The following MGAT4C variants were observed in gnomAD, a reference collection of about 807,000 sequenced individuals.
The protein encoded by MGAT4C is MGAT4 family member C, also known as alpha-1,3-mannosyl-glycoprotein 4-beta-N-acetylglucosaminyltransferase C.
In MGAT4C, 19 loss-of-function variants were observed where a neutral mutation model predicts 40.1. That is an observed-to-expected ratio of 0.47 (90% CI 0.33 to 0.70). The LOEUF (loss-of-function observed/expected upper bound fraction) is 0.70. Ranked by LOEUF, MGAT4C falls within the 30% of genes least tolerant of loss-of-function variation. The pLI is 0.02. For synonymous variants in MGAT4C, 181 were observed against 187.1 expected, an observed-to-expected ratio of 0.97 and a Z score of 0.27; for missense variants, 491 against 563.2, an observed-to-expected ratio of 0.87 and a Z score of 1.30.
intron 1 of MGAT4C, among the ~76,000 whole-genome samples, chr12:86,077,759 G>A (rs559993328): frequency 3.9e-5 from 6 of 152,182 alleles, no homozygotes; most frequent in African/African-American, 9.6e-5. Context: ...CACAGGGCAC[G>A]GTAATAATAT....
chr12:86,401,579 T>C (rs527783184), intron 3 of MGAT4C, among the ~76,000 whole-genome samples: 3 of 152,272 alleles, frequency 2.0e-5, no homozygotes, highest in South Asian at 2.1e-4. Context: ...AACCAGCTTA[T>C]GTTTATTCAC....
chr12:86,611,317 C>T (rs527698855), intron 2 of MGAT4C, among the ~76,000 whole-genome samples: 10 of 151,836 alleles, frequency 6.6e-5, no homozygotes, highest in Non-Finnish European at 8.8e-5. Context: ...TACGCAAAGA[C>T]GTGCAGACAC....
At chr12:86,456,138 G>A (rs894576429) in intron 2 of MGAT4C, among the ~76,000 whole-genome samples, 5 of 151,932 alleles carry the variant, frequency 3.3e-5, no homozygotes, top group African/African-American at 1.2e-4. Flanking sequence ...AATTTATTGA[G>A]GATATATTTC....
chr12:86,661,741 C>T (rs990514041), intron 2 of MGAT4C, among the ~76,000 whole-genome samples: 2 of 151,856 alleles, frequency 1.3e-5, no homozygotes, highest in Non-Finnish European at 2.9e-5. Context: ...AGGTCAGGTT[C>T]GAGACCAGCC....
intron 2 of MGAT4C, among the ~76,000 whole-genome samples, chr12:86,450,602 T>C (rs1262936453): frequency 6.6e-6 from 1 of 152,074 alleles, no homozygotes; most frequent in Non-Finnish European, 1.5e-5. Context: ...CGACTATATC[T>C]TGTTATTTTC....
intron 2 of MGAT4C, among the ~76,000 whole-genome samples, chr12:86,626,896 G>A (rs1049424386): frequency 2.0e-5 from 3 of 152,226 alleles, no homozygotes; most frequent in Non-Finnish European, 4.4e-5. Context: ...CACAGAGGGT[G>A]AGCCAAAGCA....
chr12:86,003,045 C>T (rs1887511709), intron 2 of MGAT4C, among the ~76,000 whole-genome samples: 1 of 152,116 alleles, frequency 6.6e-6, no homozygotes, highest in African/African-American at 2.4e-5. Flanking sequence ...AAGCAATCCT[C>T]CTACCTTTGT....
intron 1 of MGAT4C, among the ~76,000 whole-genome samples, chr12:86,117,190 G>C (rs563039437): frequency 6.6e-6 from 1 of 152,036 alleles, no homozygotes; most frequent in Non-Finnish European, 1.5e-5. Context: ...AATAAGCCAG[G>C]GCATAAGTTA....
At chr12:86,626,717 G>A (rs1429839008) in intron 2 of MGAT4C, among the ~76,000 whole-genome samples, 2 of 152,184 alleles carry the variant, frequency 1.3e-5, no homozygotes. Flanking sequence ...AATGGTAATA[G>A]AATTATTCCC....
intron 1 of MGAT4C, among the ~76,000 whole-genome samples, chr12:86,249,693 A>G (rs1303429354): frequency 6.6e-6 from 1 of 152,118 alleles, no homozygotes; most frequent in Non-Finnish European, 1.5e-5. Flanking sequence ...GCCTTTGCTT[A>G]TGATAAGCAA....
intron 2 of MGAT4C, among the ~76,000 whole-genome samples, chr12:85,993,400 A>G (rs745512334): frequency 2.9e-4 from 44 of 152,302 alleles, no homozygotes; most frequent in Non-Finnish European, 5.4e-4. Context: ...TGATAAAATG[A>G]GAGAAGGGAG....
intron 2 of MGAT4C, among the ~76,000 whole-genome samples, chr12:86,462,383 C>T (rs893952110): frequency 1.4e-4 from 21 of 152,152 alleles, no homozygotes; most frequent in Non-Finnish European, 2.8e-4. Context: ...GACACAGTTC[C>T]TGCCTTCAAG....
intron 1 of MGAT4C, among the ~76,000 whole-genome samples, chr12:86,084,811 T>C (rs890410610): frequency 2.6e-5 from 4 of 151,874 alleles, no homozygotes; most frequent in Admixed American, 6.6e-5. Context: ...ATGAGACTAT[T>C]TGGGGTGGCT....
At chr12:86,526,854 T>C (rs536044322) in intron 2 of MGAT4C, among the ~76,000 whole-genome samples, 53 of 152,124 alleles carry the variant, frequency 3.5e-4, no homozygotes, top group Non-Finnish European at 6.3e-4. Context: ...CGAGTGTCCA[T>C]GGTGGTGCAG....
At chr12:85,983,707 T>G in intron 3 of MGAT4C, 37 bp from the exon 4 acceptor site, 1 of 1,457,702 alleles carries the variant, frequency 6.9e-7, no homozygotes, top group Non-Finnish European at 9.2e-7. Context: ...AATATATAAA[T>G]AATAGATGGT....
intron 2 of MGAT4C, among the ~76,000 whole-genome samples, chr12:86,637,813 A>T (rs1963265487): frequency 6.6e-6 from 1 of 151,956 alleles, no homozygotes; most frequent in Admixed American, 6.6e-5. Flanking sequence ...TACCCACGTT[A>T]TCTACATACA....
chr12:86,291,192 A>G (rs1297549126), intron 4 of MGAT4C, among the ~76,000 whole-genome samples: 1 of 152,214 alleles, frequency 6.6e-6, no homozygotes, highest in Non-Finnish European at 1.5e-5. Flanking sequence ...AGCTACTTGT[A>G]CCTGAAACTG....
At chr12:86,451,317 G>A (rs1271795638) in intron 2 of MGAT4C, among the ~76,000 whole-genome samples, 1 of 152,112 alleles carries the variant, frequency 6.6e-6, no homozygotes, top group Non-Finnish European at 1.5e-5. Flanking sequence ...CCTGGCAGAG[G>A]CCTCCCCAGA....
chr12:86,714,615 C>T (rs758915572), intron 2 of MGAT4C, among the ~76,000 whole-genome samples: 1 of 152,074 alleles, frequency 6.6e-6, no homozygotes, highest in Non-Finnish European at 1.5e-5. Flanking sequence ...ACATACCTTT[C>T]GCCTTCCACC....
Sources: gnomAD v4.1 joint callset for allele counts (sites outside exome capture counted in the v4.1 genomes callset) on GRCh38, gnomAD v4.1.1 for gene constraint, MANE v1.5 for transcripts, NCBI Gene and HGNC (gene_info 2026-07-23, HGNC 2026-07-21) for gene names.